The following FBXW7 variants were observed in gnomAD, a reference collection of about 807,000 sequenced individuals.
FBXW7 encodes the protein F-box/WD repeat-containing protein 7.
Under a neutral mutation model 86.3 loss-of-function variants are expected in FBXW7, and 11 were observed. That is an observed-to-expected ratio of 0.13 (90% CI 0.08 to 0.21). The LOEUF is 0.21. FBXW7 is among the 10% of genes least tolerant of loss of function. The pLI is 1.00. For missense variants in FBXW7, 488 were observed against 847.4 expected (o/e 0.58, Z 5.27); for synonymous variants, 313 against 297.9 (o/e 1.05, Z -0.52).
At chr4:152,453,007 C>A (rs1483262812) in intron 2 of FBXW7, among the ~76,000 whole-genome samples, 1 of 151,972 alleles carries the variant, frequency 6.6e-6, no homozygotes, top group African/African-American at 2.4e-5. Context: ...CATGGTGAAA[C>A]CCCCGTCTCA....
rs1750438279 is a variant in FBXW7, at chr4:152,535,386, C to G, written c.-472G>C. The G allele has an allele frequency of 5.2e-6, 2 of 383,258 alleles. No homozygotes were observed. The highest frequency in any genetic ancestry group is 9.2e-6 in the Non-Finnish European group (2 of 216,638). 23.7% of individuals were successfully genotyped at this position (383,258 alleles called of 1,614,324 possible). ...CCGGCGACTGGCCAAGGGAGAAGAC[C>G]CCCGGAGGGGGCTGAGGGGAGGGGG... is the stretch of plus-strand genomic sequence containing the variant. On this transcript the variant is annotated 5_prime_UTR_variant, in exon 1 of 14. Transcript: ENST00000281708.
intron 2 of FBXW7, among the ~76,000 whole-genome samples, chr4:152,482,254 AT>A (rs1297208240): frequency 6.6e-6 from 1 of 152,234 alleles, no homozygotes; most frequent in East Asian, 1.9e-4. Context: ...GCAATAAAGT[AT>A]TTCTAAACTA....
chr4:152,516,215 G>A (rs982411583), intron 2 of FBXW7, among the ~76,000 whole-genome samples: 2 of 152,202 alleles, frequency 1.3e-5, no homozygotes, highest in Non-Finnish European at 2.9e-5. Flanking sequence ...TGTAGAGCAG[G>A]GGTCCACAAC....
At chr4:152,367,124 C>A (rs1038644403) in intron 4 of FBXW7, among the ~76,000 whole-genome samples, 7 of 151,790 alleles carry the variant, frequency 4.6e-5, no homozygotes, top group Non-Finnish European at 8.8e-5. Context: ...TGGGGCCTGT[C>A]GTGGGGTTGA....
chr4:152,419,689 C>G (rs1738773244), intron 2 of FBXW7, among the ~76,000 whole-genome samples: 1 of 152,082 alleles, frequency 6.6e-6, no homozygotes, highest in Admixed American at 6.6e-5. Flanking sequence ...ACTGCAGGTT[C>G]AATTCCAGAC....
chr4:152,457,964 A>G (rs1742584360), intron 2 of FBXW7, among the ~76,000 whole-genome samples: 1 of 150,862 alleles, frequency 6.6e-6, no homozygotes, highest in Non-Finnish European at 1.5e-5. Flanking sequence ...ACTTCAGGAA[A>G]TTCTTTTAAT....
intron 2 of FBXW7, among the ~76,000 whole-genome samples, chr4:152,428,477 G>A (rs1431719524): frequency 6.6e-6 from 1 of 152,130 alleles, no homozygotes; most frequent in African/African-American, 2.4e-5. Flanking sequence ...CCACAATACT[G>A]TGTATTTCCA....
intron 4 of FBXW7, among the ~76,000 whole-genome samples, chr4:152,400,978 T>G (rs1209137389): frequency 6.6e-6 from 1 of 152,104 alleles, no homozygotes; most frequent in Non-Finnish European, 1.5e-5. Context: ...GAACTTCAAA[T>G]GGTAACAAAG....
intron 2 of FBXW7, among the ~76,000 whole-genome samples, chr4:152,433,876 C>T (rs544778648): frequency 2.0e-5 from 3 of 152,132 alleles, no homozygotes; most frequent in South Asian, 2.1e-4. Flanking sequence ...AATTATTCCA[C>T]GCATCTTACA....
intron 2 of FBXW7, among the ~76,000 whole-genome samples, chr4:152,523,677 G>A (rs1223696921): frequency 4.6e-5 from 7 of 152,134 alleles, no homozygotes; most frequent in Admixed American, 3.9e-4. Flanking sequence ...CGCTTTTAGG[G>A]TGCCCCTACC....
At chr4:152,470,372 G>A (rs1324043420) in intron 2 of FBXW7, among the ~76,000 whole-genome samples, 1 of 151,910 alleles carries the variant, frequency 6.6e-6, no homozygotes, top group Non-Finnish European at 1.5e-5. Flanking sequence ...AACATATAAT[G>A]TAACACATTC....
At chr4:152,323,314 T>G in intron 13 of FBXW7, 165 bp from the exon 14 acceptor site, 1 of 822,034 alleles carries the variant, frequency 1.2e-6, no homozygotes, top group Non-Finnish European at 1.8e-6. Flanking sequence ...TCAGCATGGA[T>G]GTAAGAAAAT....
chr4:152,449,999 C>T (rs965439775), intron 2 of FBXW7, among the ~76,000 whole-genome samples: 2 of 152,116 alleles, frequency 1.3e-5, no homozygotes, highest in African/African-American at 4.8e-5. Flanking sequence ...AATTAAAATA[C>T]GTATTTTAAA....
chr4:152,369,636 C>G (rs1279064647), intron 4 of FBXW7, among the ~76,000 whole-genome samples: 1 of 151,896 alleles, frequency 6.6e-6, no homozygotes, highest in Non-Finnish European at 1.5e-5. Context: ...AAAAATAAGA[C>G]TGTTCGGTAA....
At chr4:152,513,108 C>T (rs1202604427) in intron 2 of FBXW7, among the ~76,000 whole-genome samples, 2 of 152,158 alleles carry the variant, frequency 1.3e-5, no homozygotes, top group East Asian at 3.8e-4. Context: ...GTGATCCGCT[C>T]ACCTCAGCCT....
chr4:152,387,552 T>C (rs1196640452), intron 4 of FBXW7, among the ~76,000 whole-genome samples: 1 of 128,124 alleles, frequency 7.8e-6, no homozygotes, highest in East Asian at 2.2e-4. Flanking sequence ...CATAAATCAA[T>C]AAATTAAACC....
chr4:152,394,111 T>A (rs915718969), intron 4 of FBXW7, among the ~76,000 whole-genome samples: 1 of 152,114 alleles, frequency 6.6e-6, no homozygotes, highest in Non-Finnish European at 1.5e-5. Context: ...ATCCTAAAGA[T>A]AATTTTAACC....
intron 2 of FBXW7, among the ~76,000 whole-genome samples, chr4:152,508,997 T>C (rs538999830): frequency 1.1e-4 from 16 of 152,250 alleles, no homozygotes; most frequent in Admixed American, 7.8e-4. Context: ...AATTGAATCA[T>C]AGGAAAACAT....
intron 4 of FBXW7, among the ~76,000 whole-genome samples, chr4:152,372,896 T>C (rs1734126589): frequency 6.6e-6 from 1 of 151,996 alleles, no homozygotes; most frequent in Admixed American, 6.6e-5. Flanking sequence ...TGTACTCCTA[T>C]CTGACAACTA....
Sources: allele counts gnomAD v4.1 joint callset (sites outside exome capture counted in the v4.1 genomes callset), GRCh38; gene constraint gnomAD v4.1.1; transcripts MANE v1.5; gene names NCBI Gene and HGNC (gene_info 2026-07-23, HGNC 2026-07-21).